The following ZMPSTE24 variants were observed in gnomAD, a reference collection of about 807,000 sequenced individuals.
ZMPSTE24 encodes the protein zinc metallopeptidase STE24.
A neutral mutation model predicts 56.7 loss-of-function variants in ZMPSTE24; 48 were observed. The ratio of observed to expected loss-of-function variants is 0.85; its 90% CI spans 0.67 to 1.08. The LOEUF is 1.08. Among genes scored for constraint, ZMPSTE24 ranks in the 50% least tolerant of loss-of-function variants. The pLI, the probability that ZMPSTE24 is intolerant of heterozygous loss-of-function variation, is 0.00. For synonymous variants in ZMPSTE24, 172 were observed against 195.2 expected, an observed-to-expected ratio of 0.88 and a Z score of 0.99; for missense variants, 503 against 548.7, an observed-to-expected ratio of 0.92 and a Z score of 0.83.
At chr1:40,276,578 G>A (rs1300846708) in intron 6 of ZMPSTE24, among the ~76,000 whole-genome samples, 1 of 152,188 alleles carries the variant, frequency 6.6e-6, no homozygotes, top group Admixed American at 6.5e-5. Context: ...TGTTTTTGGA[G>A]TTCTCAAATA....
chr1:40,273,724 A>G (rs779875295), intron 6 of ZMPSTE24, among the ~76,000 whole-genome samples: 10 of 149,902 alleles, frequency 6.7e-5, no homozygotes, highest in Non-Finnish European at 1.2e-4. Context: ...GTAATATTAA[A>G]CTAGAAATTT....
At chr1:40,264,274 C>T (rs1643526916) in intron 2 of ZMPSTE24, among the ~76,000 whole-genome samples, 1 of 152,158 alleles carries the variant, frequency 6.6e-6, no homozygotes, top group African/African-American at 2.4e-5. Context: ...GTGGAGGCTG[C>T]AGTGAGCTGA....
rs370038323 is a variant in ZMPSTE24 at position 40,283,538 on chromosome 1, CT to C, written c.954+2018del. Among the ~76,000 whole-genome samples, 328 of 151,546 alleles carry C rather than the reference CT, an allele frequency of 2.2e-3. 4 individuals carry two copies. In the South Asian group the frequency reaches 0.023, roughly 11 times the overall value. ...AAAAAAATTGCTGATCCTTTTGTTA[CT>C]TTTTTTGTTTTTGTTTTTGTTTGCT... On this transcript the variant is annotated intron_variant, in intron 7 of 9. Transcript: ENST00000372759.
chr1:40,264,556 C>T (rs1643530689), intron 2 of ZMPSTE24, among the ~76,000 whole-genome samples: 1 of 151,928 alleles, frequency 6.6e-6, no homozygotes, highest in Non-Finnish European at 1.5e-5. Flanking sequence ...GATGATTATA[C>T]CCTTTTCCCT....
At chr1:40,290,770 AT>A in intron 8 of ZMPSTE24, 83 bp from the exon 9 acceptor site, 5 of 1,564,278 alleles carry the variant, frequency 3.2e-6, no homozygotes, top group Non-Finnish European at 1.8e-6. Flanking sequence ...CCACACTGTG[AT>A]TTCTTATACT....
intron 6 of ZMPSTE24, among the ~76,000 whole-genome samples, chr1:40,274,483 T>C (rs914936381): frequency 6.6e-6 from 1 of 152,208 alleles, no homozygotes; most frequent in Non-Finnish European, 1.5e-5. Flanking sequence ...CAGATTGAGC[T>C]GAGACCTAAA....
At chr1:40,285,000 A>C (rs1436440719) in intron 7 of ZMPSTE24, among the ~76,000 whole-genome samples, 2 of 144,700 alleles carry the variant, frequency 1.4e-5, no homozygotes, top group African/African-American at 5.2e-5. Context: ...ATCTTGGCTC[A>C]CTACAGACTA....
At chr1:40,285,552 A>G (rs966401485) in intron 7 of ZMPSTE24, among the ~76,000 whole-genome samples, 3 of 152,220 alleles carry the variant, frequency 2.0e-5, no homozygotes, top group Non-Finnish European at 4.4e-5. Context: ...AATCTTTGAA[A>G]ACAAAATTTC....
chr1:40,281,358 C>T lies in ZMPSTE24; in HGVS notation c.785C>T (p.Ser262Phe). ...TTTTCCTTAGGATCTAAACGCTCTT[C>T]CCACAGCAATGCTTATTTTTATGGC... ...VYVVEGSKRSSHSNAYFYGFF... is the reference protein window; with the variant it reads ...VYVVEGSKRSFHSNAYFYGFF... The change falls in exon 7 of 10, where the codon TCC (serine) becomes TTC (phenylalanine). Residue 262 changes from serine to phenylalanine, a missense_variant. Transcript: ENST00000372759. 6.2e-7 allele frequency: 1 copy of T among 1,614,024 alleles called. No homozygotes were observed. The highest frequency in any genetic ancestry group is 1.1e-5 in the South Asian group (1 of 91,076).
chr1:40,273,533 AAAAAATATATATATATATATAT>A (rs1203602408), intron 6 of ZMPSTE24, among the ~76,000 whole-genome samples: 7 of 57,042 alleles, frequency 1.2e-4, no homozygotes, highest in South Asian at 1.4e-3. Context: ...AAAAAAAAAA[AAAAAATATATATATATATATAT>A]ATATATATAT....
intron 6 of ZMPSTE24, among the ~76,000 whole-genome samples, chr1:40,273,102 C>A (rs958295939): frequency 6.6e-6 from 1 of 152,070 alleles, no homozygotes. Flanking sequence ...TAAAATATTA[C>A]CAGTGAGAAG....
At chr1:40,281,280 G>A in intron 6 of ZMPSTE24, 63 bp from the exon 7 acceptor site, 3 of 1,474,648 alleles carry the variant, frequency 2.0e-6, no homozygotes, top group Non-Finnish European at 2.8e-6. Context: ...ATTTCTAGGA[G>A]TCTCTCCAAA....
At chr1:40,277,181 G>A (rs1209047262) in intron 6 of ZMPSTE24, among the ~76,000 whole-genome samples, 1 of 151,610 alleles carries the variant, frequency 6.6e-6, no homozygotes, top group Non-Finnish European at 1.5e-5. Context: ...CGCCTCCCGG[G>A]TTCACACCAT....
chr1:40,292,137 C>T (rs993772812), intron 9 of ZMPSTE24, among the ~76,000 whole-genome samples: 5 of 152,106 alleles, frequency 3.3e-5, no homozygotes, highest in African/African-American at 4.8e-5. Flanking sequence ...GCACCACACC[C>T]GGCCTGAGCA....
At position 40,286,102 on chromosome 1, in the gene ZMPSTE24, A is replaced by G. The variant is rs1643784905; in HGVS notation, c.1059+73A>G. The stretch of plus-strand genomic sequence containing the variant: ...AGAACTATGGCAGGCATGAGAGGTC[A>G]TATAAGAGAGGCCAAGGCAGACACC... On this transcript the variant is annotated intron_variant, in intron 8 of 9. Coordinates refer to ENST00000372759, the MANE Select transcript of ZMPSTE24 (RefSeq NM_005857.5). 19 of 1,363,996 alleles carry G rather than the reference A, an allele frequency of 1.4e-5. No individual in the cohort carries two copies. In the East Asian group the frequency reaches 4.6e-4, roughly 33 times the overall value. The allele number at this position is 1,363,996 out of a possible 1,614,324, so 84.5% of individuals were successfully genotyped here.
Position 40,292,769 on chromosome 1 carries a change from T to A in ZMPSTE24, c.*100T>A. 1 of 1,070,040 alleles carries A rather than the reference T, an allele frequency of 9.3e-7. No homozygotes were observed. The highest frequency in any genetic ancestry group is 1.4e-6 in the Non-Finnish European group (1 of 715,090). 66.3% of individuals were successfully genotyped at this position (1,070,040 alleles called of 1,614,324 possible). On this transcript the variant is annotated 3_prime_UTR_variant, in exon 10 of 10. Coordinates refer to ENST00000372759, the MANE Select transcript of ZMPSTE24 (RefSeq NM_005857.5). The stretch of plus-strand genomic sequence containing the variant: ...TTAAACTTTTTTTTAGAAGAAAAAT[T>A]AAGTACAGAAAAGCCCAGATTTAAA...
chr1:40,275,700 C>T (rs970307458), intron 6 of ZMPSTE24, among the ~76,000 whole-genome samples: 18 of 141,562 alleles, frequency 1.3e-4, no homozygotes, highest in Admixed American at 8.5e-4. Flanking sequence ...TGCAGTGAGT[C>T]GAGATCGCGC....
chr1:40,265,805 G>C (rs984110057), intron 2 of ZMPSTE24, among the ~76,000 whole-genome samples: 2 of 152,218 alleles, frequency 1.3e-5, no homozygotes, highest in Non-Finnish European at 2.9e-5. Flanking sequence ...TGGTACATCT[G>C]GGGTAGGGCC....
chr1:40,267,990 T>A (rs1330794262), intron 3 of ZMPSTE24, 118 bp downstream of exon 3: 28 of 848,132 alleles, frequency 3.3e-5, no homozygotes, highest in Non-Finnish European at 5.7e-5. Context: ...GTTTGCATAG[T>A]CCTTGGTTAC....
Sources: allele counts gnomAD v4.1 joint callset (sites outside exome capture counted in the v4.1 genomes callset), GRCh38; gene constraint gnomAD v4.1.1; transcripts MANE v1.5; gene names NCBI Gene and HGNC (gene_info 2026-07-23, HGNC 2026-07-21).